FRMD8: variants seen among roughly 807,000 people sequenced by gnomAD.
FRMD8 encodes the protein FERM domain containing 8.
FRMD8 carries 37 observed loss-of-function variants against 54.2 expected under a neutral mutation model. The observed-to-expected ratio is 0.68, with a 90% CI of 0.53 to 0.90. FRMD8 has a LOEUF of 0.90. Among genes scored for constraint, FRMD8 ranks in the 40% least tolerant of loss-of-function variants. The pLI is 0.00. For synonymous variants in FRMD8, 246 were observed against 286.9 expected, an observed-to-expected ratio of 0.86 and a Z score of 1.44; for missense variants, 585 against 653.7, an observed-to-expected ratio of 0.89 and a Z score of 1.15.
chr11:65,388,426 C>G (rs760012737), intron 2 of FRMD8, among the ~76,000 whole-genome samples: 1 of 151,566 alleles, frequency 6.6e-6, no homozygotes, highest in Non-Finnish European at 1.5e-5. Flanking sequence ...GATGAGAAAC[C>G]GTGCCCTTCC....
At chr11:65,410,049 A>G (rs979422167) in intron 10 of FRMD8, among the ~76,000 whole-genome samples, 1 of 151,600 alleles carries the variant, frequency 6.6e-6, no homozygotes, top group Non-Finnish European at 1.5e-5. Context: ...CTCCAGCCTG[A>G]GCAACACAGC....
intron 7 of FRMD8, among the ~76,000 whole-genome samples, chr11:65,398,233 A>C (rs1020012018): frequency 1.3e-5 from 2 of 152,120 alleles, no homozygotes; most frequent in African/African-American, 4.8e-5. Flanking sequence ...CCTGGGGTCA[A>C]GTGATGCTCC....
Position 65,404,779 on chromosome 11 carries a change from A to G in FRMD8, c.1072-85A>G, listed in dbSNP as rs1176075121. On this transcript the variant is annotated intron_variant, in intron 9 of 10. Transcript: ENST00000317568. The surrounding 1 kb of genome is among the most constrained non-coding windows in gnomAD (Gnocchi z 4.7). ...GTGTGTCCCCTCCCCTGCTTCCCCA[A>G]CCAGAGAGCAGAGCTCATTTCAGGC... The G allele has an allele frequency of 5.0e-6, 6 of 1,200,330 alleles. No individual in the cohort carries two copies. Among genetic ancestry groups the G allele is most frequent in the Non-Finnish European group, 6.0e-6 (5 of 835,528 alleles). The allele number at this position is 1,200,330 out of a possible 1,614,324, so 74.4% of individuals were successfully genotyped here. A position where few individuals can be genotyped will look rare whatever the true frequency, so the allele number is the denominator to read the frequency against.
upstream of FRMD8, among the ~76,000 whole-genome samples, chr11:65,385,923 C>T (rs918766164): frequency 6.6e-6 from 1 of 151,928 alleles, no homozygotes; most frequent in Admixed American, 6.6e-5. Flanking sequence ...AGCCTTCCCG[C>T]GTAGCTGGGA....
the FRMD8 span, chr11:65,376,727 C>T: frequency 6.2e-7 from 1 of 1,613,768 alleles, no homozygotes; most frequent in Non-Finnish European, 8.5e-7. Context: ...AGAGCATCCT[C>T]CCCAGACCCT....
At chr11:65,376,069 C>CAAAAA in the FRMD8 span, 6 of 108,690 alleles carry the variant, frequency 5.5e-5, no homozygotes, top group South Asian at 1.4e-4. Flanking sequence ...GACTCCATCT[C>CAAAAA]AAAAAAAAAA....
chr11:65,390,373 A>G (rs552494701), intron 3 of FRMD8, among the ~76,000 whole-genome samples: 4 of 152,284 alleles, frequency 2.6e-5, no homozygotes, highest in African/African-American at 9.6e-5. Context: ...TTCTTAGCTT[A>G]CACATTCCCT....
chr11:65,406,776 C>T (rs187466532), intron 10 of FRMD8, among the ~76,000 whole-genome samples: 454 of 152,006 alleles, frequency 3.0e-3, no homozygotes, highest in African/African-American at 0.01. Flanking sequence ...CTCTTCTCTA[C>T]TAAAAATACA....
intron 7 of FRMD8, among the ~76,000 whole-genome samples, chr11:65,398,232 A>T (rs1350815947): frequency 6.6e-6 from 1 of 152,172 alleles, no homozygotes; most frequent in African/African-American, 2.4e-5. Flanking sequence ...CCCTGGGGTC[A>T]AGTGATGCTC....
At chr11:65,376,893 T>G in the FRMD8 span, 2 of 1,613,340 alleles carry the variant, frequency 1.2e-6, no homozygotes, top group Non-Finnish European at 1.7e-6. Flanking sequence ...ACCGTGGGGG[T>G]GTCCCTCAGC....
In FRMD8 at chr11:65,405,067, C is replaced by T. The variant is rs1049801360; in HGVS notation, c.1275C>T (p.Asp425=). The part of the protein sequence containing the change: ...QHLSTIDYVE[D]GKGIRRVKPK... ...TCTCCACCATCGACTACGTGGAGGA[C>T]GGTGAGCAGCCCTTCTGTGCATGTG... Residue 425 remains aspartate (D), a splice_region_variant and synonymous_variant, in exon 10 of 11, where the codon GAC becomes GAT. Transcript: ENST00000317568. 26 of 1,612,944 alleles carry T rather than the reference C, an allele frequency of 1.6e-5. No individual in the cohort carries two copies. The highest frequency in any genetic ancestry group is 5.3e-5 in the African/African-American group (4 of 74,948).
At chr11:65,390,169 G>A (rs754914870) in intron 3 of FRMD8, among the ~76,000 whole-genome samples, 6 of 151,998 alleles carry the variant, frequency 3.9e-5, no homozygotes, top group Non-Finnish European at 7.4e-5. Flanking sequence ...GGCTGGCCTC[G>A]TGACCACCCA....
the FRMD8 span, chr11:65,376,510 A>G: frequency 5.6e-6 from 9 of 1,614,086 alleles, no homozygotes; most frequent in East Asian, 4.5e-5. Context: ...GAAGACTCCC[A>G]GTCCTTCCTG....
At position 65,413,133 on chromosome 11, in the gene FRMD8, T is replaced by A. The variant is rs11551353; in HGVS notation, c.*1773T>A. The A allele has an allele frequency of 0.042, 6,367 of 152,338 alleles. 210 individuals carry two copies. Among genetic ancestry groups the A allele is most frequent in the Non-Finnish European group, 0.064 (4,353 of 68,096 alleles). 9.4% of individuals were successfully genotyped at this position (152,338 alleles called of 1,614,324 possible). On this transcript the variant is annotated 3_prime_UTR_variant, in exon 11 of 11. Coordinates refer to ENST00000317568, the MANE Select transcript of FRMD8 (RefSeq NM_031904.5). Reference sequence around the variant, plus strand: ...CCTCCTGAGTAGCTGGGATTACAGGTGCATGCCACCAGGCCCCGCTGATTT... The same window carrying A: ...CCTCCTGAGTAGCTGGGATTACAGGAGCATGCCACCAGGCCCCGCTGATTT...
chr11:65,400,439 A>G lies in FRMD8; in HGVS notation c.928-285A>G, dbSNP rs1222545650. On this transcript the variant is annotated intron_variant, in intron 8 of 10. Coordinates refer to ENST00000317568, the MANE Select transcript of FRMD8 (RefSeq NM_031904.5). The surrounding 1 kb of genome is among the most constrained non-coding windows in gnomAD (Gnocchi z 4.3). ...GATGCCACGCCCGACCTCATAGAAG[A>G]GACTCCGCTTCCCCACCTGCCTCCT... Among the ~76,000 whole-genome samples the G allele has an allele frequency of 6.6e-6, 1 of 152,064 alleles. No homozygotes were observed. The highest frequency in any genetic ancestry group is 6.6e-5 in the Admixed American group (1 of 15,266).
the FRMD8 span, among the ~76,000 whole-genome samples, chr11:65,374,982 T>TGG: frequency 1.1e-4 from 2 of 18,280 alleles, no homozygotes; most frequent in Non-Finnish European, 3.4e-4. Context: ...AAAGAAAAAA[T>TGG]AGAGAAAAAG....
At chr11:65,380,232 A>T in the FRMD8 span, 1 of 1,613,434 alleles carries the variant, frequency 6.2e-7, no homozygotes, top group South Asian at 1.1e-5. Context: ...CCAGGAAGCA[A>T]GTCTGTGCCA....
chr11:65,394,219 A>C, intron 5 of FRMD8, 40 bp from the exon 6 acceptor site: 1 of 1,592,924 alleles, frequency 6.3e-7, no homozygotes, highest in Non-Finnish European at 8.5e-7. Flanking sequence ...TCCCTGCCCC[A>C]GCCCAGCTGA....
At chr11:65,396,092 G>A (rs1855948271) in intron 6 of FRMD8, among the ~76,000 whole-genome samples, 3 of 152,204 alleles carry the variant, frequency 2.0e-5, no homozygotes. Flanking sequence ...TTCTGGGGGT[G>A]AAGAGGGGCC....
Sources: gnomAD v4.1 joint callset for allele counts (sites outside exome capture counted in the v4.1 genomes callset) on GRCh38, gnomAD v4.1.1 for gene constraint, Gnocchi (gnomAD v3.1) non-coding constraint, MANE v1.5 for transcripts, NCBI Gene and HGNC (gene_info 2026-07-23, HGNC 2026-07-21) for gene names.